TEKT5: variants seen among roughly 807,000 people sequenced by gnomAD.
TEKT5 encodes the protein tektin 5.
Under a neutral mutation model 48.7 loss-of-function variants are expected in TEKT5, and 52 were observed. The observed-to-expected ratio is 1.07, with a 90% CI of 0.86 to 1.35. The LOEUF (loss-of-function observed/expected upper bound fraction) is 1.35. Among genes scored for constraint, TEKT5 ranks in the 40% most tolerant of loss-of-function variants. The probability of loss-of-function intolerance (pLI) is 0.00; values close to 1 mark genes in which losing one functional copy is unlikely to be tolerated. For synonymous variants in TEKT5, 318 were observed against 267.6 expected (o/e 1.19, Z -1.84); for missense variants, 831 against 641.6 (o/e 1.30, Z -3.19).
chr16:10,642,330 G>C (rs572497297), intron 5 of TEKT5, among the ~76,000 whole-genome samples: 1 of 152,222 alleles, frequency 6.6e-6, no homozygotes, highest in South Asian at 2.1e-4. Flanking sequence ...CTGTCCACCA[G>C]GCCACAGTAC....
Position 10,646,379 on chromosome 16 carries a change from A to C in TEKT5, c.1087-10461T>G, listed in dbSNP as rs567805108. Among the ~76,000 whole-genome samples, 5 of 152,310 alleles carry C rather than the reference A, an allele frequency of 3.3e-5. No homozygotes were observed. In the South Asian group the frequency reaches 1.0e-3, roughly 32 times the overall value. Reference sequence around the variant, plus strand: ...TAGAATCCTGCCCATCTCGGATTTTAAGATAGGGGAAAACTGATTACACAG... The same window carrying C: ...TAGAATCCTGCCCATCTCGGATTTTCAGATAGGGGAAAACTGATTACACAG... On this transcript the variant is annotated intron_variant, in intron 5 of 6. Transcript: ENST00000283025.
At chr16:10,658,202 G>A (rs1375331539) in intron 5 of TEKT5, among the ~76,000 whole-genome samples, 5 of 152,158 alleles carry the variant, frequency 3.3e-5, no homozygotes, top group Admixed American at 1.3e-4. Flanking sequence ...CTGAAAAGCC[G>A]TTTGACAGAA....
rs903956944 is a variant in TEKT5, at chr16:10,694,374, T to C, written c.500A>G (p.Gln167Arg). ...CCGCCTCTTGACCGTCTCCAAGTTC[T>C]GGTTCTCAGTCAGAAGCCTGTCCAG... ...YELDRLLTEN[Q>R]NLETVKRRLE... Residue 167 changes from glutamine (Q) to arginine (R), a missense_variant, in exon 1 of 7, where the codon CAG becomes CGG. Coordinates refer to ENST00000283025, the MANE Select transcript of TEKT5 (RefSeq NM_144674.2). 6.2e-7 allele frequency: 1 copy of C among 1,613,874 alleles called. No homozygotes were observed. Among genetic ancestry groups the C allele is most frequent in the Non-Finnish European group, 8.5e-7 (1 of 1,179,902 alleles).
chr16:10,685,032 C>A (rs186555511), intron 3 of TEKT5, among the ~76,000 whole-genome samples: 1 of 152,216 alleles, frequency 6.6e-6, no homozygotes, highest in African/African-American at 2.4e-5. Context: ...GGCTGGCTCT[C>A]GGTTAATTAG....
In TEKT5 at chr16:10,694,787, C is replaced by T. The variant is rs375588207; in HGVS notation, c.87G>A (p.Ala29=). ...GCTGATAGCATTCCTGGATCACTGG[C>T]GCCTGTACAGCTGGCAGTGAGGTCA... The part of the protein sequence containing the change: ...CGLTSLPAVQ[A]PVIQECYQPY... Residue 29 remains alanine (A), a synonymous_variant, in exon 1 of 7, where the codon GCG becomes GCA. Transcript: ENST00000283025. 2.7e-5 allele frequency: 43 copies of T among 1,613,398 alleles called. No homozygotes were observed. Among genetic ancestry groups the T allele is most frequent in the Non-Finnish European group, 3.4e-5 (40 of 1,179,712 alleles).
At chr16:10,677,789 T>C (rs1898674341) in intron 4 of TEKT5, among the ~76,000 whole-genome samples, 1 of 123,780 alleles carries the variant, frequency 8.1e-6, no homozygotes, top group Non-Finnish European at 1.8e-5. Flanking sequence ...TCCCACACTC[T>C]GTCTTCTGCT....
intron 5 of TEKT5, among the ~76,000 whole-genome samples, chr16:10,667,925 T>A (rs1344235543): frequency 6.6e-6 from 1 of 151,940 alleles, no homozygotes; most frequent in Non-Finnish European, 1.5e-5. Context: ...TCGCCCAGGC[T>A]GGAGTGCAGT....
chr16:10,632,547 C>T (rs1456025531), intron 6 of TEKT5, among the ~76,000 whole-genome samples: 3 of 152,122 alleles, frequency 2.0e-5, no homozygotes, highest in Non-Finnish European at 4.4e-5. Flanking sequence ...CCTCCCACCT[C>T]AGCCTCCCAA....
At chr16:10,658,607 G>A (rs557978921) in intron 5 of TEKT5, among the ~76,000 whole-genome samples, 26 of 152,288 alleles carry the variant, frequency 1.7e-4, no homozygotes, top group Admixed American at 3.3e-4. Context: ...AGACTGAGAG[G>A]TGGTATGAGG....
At chr16:10,647,006 C>A (rs936375516) in intron 5 of TEKT5, among the ~76,000 whole-genome samples, 1 of 152,120 alleles carries the variant, frequency 6.6e-6, no homozygotes, top group African/African-American at 2.4e-5. Flanking sequence ...CCACTTCAGC[C>A]CAGCGCAGAA....
At chr16:10,680,989 T>C (rs1403298447) in intron 4 of TEKT5, among the ~76,000 whole-genome samples, 8 of 146,554 alleles carry the variant, frequency 5.5e-5, no homozygotes, top group African/African-American at 1.0e-4. Flanking sequence ...TGCACATGTA[T>C]CCTAAAACTT....
At position 10,689,960 on chromosome 16, in the gene TEKT5, C is replaced by G. The variant is rs1898938940; in HGVS notation, c.630G>C (p.Val210=). The G allele has an allele frequency of 1.2e-6, 2 of 1,614,034 alleles. No homozygotes were observed. The highest frequency in any genetic ancestry group is 1.7e-6 in the Non-Finnish European group (2 of 1,180,018). ...RIGIDLVHDN[V]EKNLIREVDL... is the part of the protein sequence containing the mutation. ...GCCTTACCCGGATAAGGTTTTTCTC[C>G]ACGTTGTCATGGACCAAATCAATCC... Residue 210 remains valine (V), a synonymous_variant, in exon 2 of 7, where the codon GTG becomes GTC. Coordinates refer to ENST00000283025, the MANE Select transcript of TEKT5 (RefSeq NM_144674.2).
intron 5 of TEKT5, among the ~76,000 whole-genome samples, chr16:10,665,426 A>G (rs981630450): frequency 6.6e-6 from 1 of 152,184 alleles, no homozygotes; most frequent in Non-Finnish European, 1.5e-5. Flanking sequence ...GTTCCTGAGC[A>G]TAGGTGGTGT....
At chr16:10,633,732 G>A (rs1897872264) in intron 6 of TEKT5, among the ~76,000 whole-genome samples, 1 of 152,078 alleles carries the variant, frequency 6.6e-6, no homozygotes, top group African/African-American at 2.4e-5. Flanking sequence ...ATTTTTTAGA[G>A]ATAGTGTCTT....
At chr16:10,682,625 G>A (rs928268115) in intron 3 of TEKT5, among the ~76,000 whole-genome samples, 4 of 152,196 alleles carry the variant, frequency 2.6e-5, no homozygotes, top group Non-Finnish European at 5.9e-5. Flanking sequence ...ACCACACCTG[G>A]CCCCTGCTGT....
In TEKT5 at chr16:10,658,610, G is replaced by C. The variant is rs140179638; in HGVS notation, c.1086+17349C>G. On this transcript the variant is annotated intron_variant, in intron 5 of 6. Transcript: ENST00000283025. ...GGGAGGGGGTGTAGACTGAGAGGTG[G>C]TATGAGGGGGGCTCCTGGAACTAGA... 3.3e-3 allele frequency among the ~76,000 whole-genome samples: 507 copies of C among 152,214 alleles called. 3 individuals carry two copies. The highest frequency in any genetic ancestry group is 6.8e-3 in the Middle Eastern group (2 of 294).
At chr16:10,664,004 A>T (rs1349141307) in intron 5 of TEKT5, among the ~76,000 whole-genome samples, 3 of 152,212 alleles carry the variant, frequency 2.0e-5, no homozygotes, top group Non-Finnish European at 4.4e-5. Flanking sequence ...GGGGTTAGAA[A>T]CGGGTAGAAG....
At chr16:10,691,803 CG>C (rs1567237892) in intron 1 of TEKT5, among the ~76,000 whole-genome samples, 1 of 152,022 alleles carries the variant, frequency 6.6e-6, no homozygotes, top group Non-Finnish European at 1.5e-5. Flanking sequence ...AAAAGATTAG[CG>C]GGGCATAGTG....
rs867591251 is a variant in TEKT5 at position 10,632,885 on chromosome 16, C to T, written c.1241+2879G>A. On this transcript the variant is annotated intron_variant, in intron 6 of 6. Coordinates refer to ENST00000283025, the MANE Select transcript of TEKT5 (RefSeq NM_144674.2). Reference sequence around the variant, plus strand: ...ACAGATGCAGACACACACACACACACACACACACACACACACACACACACA... The same window carrying T: ...ACAGATGCAGACACACACACACACATACACACACACACACACACACACACA... Among the ~76,000 whole-genome samples the T allele has an allele frequency of 4.5e-3, 669 of 147,880 alleles. 7 individuals carry two copies. The highest frequency in any genetic ancestry group is 0.015 in the African/African-American group (620 of 40,874).
Sources: gnomAD v4.1 joint callset for allele counts (sites outside exome capture counted in the v4.1 genomes callset) on GRCh38, gnomAD v4.1.1 for gene constraint, MANE v1.5 for transcripts, NCBI Gene and HGNC (gene_info 2026-07-23, HGNC 2026-07-21) for gene names.